ADAMTS2: variants seen among roughly 807,000 people sequenced by gnomAD.
The protein encoded by ADAMTS2 is ADAM metallopeptidase with thrombospondin type 1 motif 2, also known as A disintegrin and metalloproteinase with thrombospondin motifs 2.
A neutral mutation model predicts 123.0 loss-of-function variants in ADAMTS2; 50 were observed. That is an observed-to-expected ratio of 0.41 (90% CI 0.32 to 0.51). ADAMTS2 has a LOEUF of 0.51. Ranked by LOEUF, ADAMTS2 falls within the 20% of genes least tolerant of loss-of-function variation. The pLI is 0.35. For missense variants in ADAMTS2, 1,494 were observed against 1,705.2 expected (o/e 0.88, Z 2.18); for synonymous variants, 678 against 695.4 (o/e 0.98, Z 0.39).
intron 2 of ADAMTS2, among the ~76,000 whole-genome samples, chr5:179,296,198 C>T (rs1276058052): frequency 6.6e-6 from 1 of 152,136 alleles, no homozygotes; most frequent in Non-Finnish European, 1.5e-5. Flanking sequence ...TCAGCAGACG[C>T]TTTGGGTGAT....
intron 2 of ADAMTS2, among the ~76,000 whole-genome samples, chr5:179,299,302 G>A (rs1377396809): frequency 1.1e-4 from 14 of 126,280 alleles, no homozygotes; most frequent in Non-Finnish European, 2.2e-4. Context: ...GGCTGAGGCG[G>A]GCGGATCACG....
chr5:179,123,664 G>C (rs147775247), intron 19 of ADAMTS2, among the ~76,000 whole-genome samples: 5 of 152,180 alleles, frequency 3.3e-5, no homozygotes, highest in Non-Finnish European at 5.9e-5. Context: ...CCTGAGTTCA[G>C]GCGATCCACC....
intron 3 of ADAMTS2, among the ~76,000 whole-genome samples, chr5:179,210,507 T>C (rs1418169511): frequency 1.3e-5 from 2 of 152,222 alleles, no homozygotes. Context: ...GGGGTGAAAT[T>C]TGGAAATTAT....
intron 3 of ADAMTS2, among the ~76,000 whole-genome samples, chr5:179,255,787 G>A (rs944302362): frequency 6.6e-6 from 1 of 152,196 alleles, no homozygotes; most frequent in Admixed American, 6.5e-5. Context: ...TGATGGCACA[G>A]GGGCCACTTC....
At chr5:179,216,250 G>C (rs1764977018) in intron 3 of ADAMTS2, among the ~76,000 whole-genome samples, 1 of 152,186 alleles carries the variant, frequency 6.6e-6, no homozygotes, top group Admixed American at 6.5e-5. Context: ...CCCACGGGGT[G>C]AACTGTCTTC....
At chr5:179,343,727 G>GAGC in intron 2 of ADAMTS2, 40 bp downstream of exon 2, 1 of 1,597,794 alleles carries the variant, frequency 6.3e-7, no homozygotes, top group Non-Finnish European at 8.5e-7. Flanking sequence ...ACCCAGGCGA[G>GAGC]AGCAGCGGAG....
intron 2 of ADAMTS2, among the ~76,000 whole-genome samples, chr5:179,334,815 T>C (rs1296238625): frequency 6.6e-6 from 1 of 152,136 alleles, no homozygotes; most frequent in Non-Finnish European, 1.5e-5. Flanking sequence ...AAGTATTCAA[T>C]GAGCAATGGC....
At chr5:179,209,522 G>GCA (rs112513570) in intron 3 of ADAMTS2, among the ~76,000 whole-genome samples, 20,369 of 151,066 alleles carry the variant, frequency 0.13, 1,520 homozygotes, top group African/African-American at 0.2. Context: ...ACACACACAT[G>GCA]CACACACACA....
At chr5:179,160,466 A>G (rs1421505636) in intron 5 of ADAMTS2, among the ~76,000 whole-genome samples, 3 of 152,222 alleles carry the variant, frequency 2.0e-5, no homozygotes, top group African/African-American at 4.8e-5. Flanking sequence ...AAAACAAAAC[A>G]AACAACAAAG....
At chr5:179,131,033 C>T (rs1382722756) in intron 15 of ADAMTS2, among the ~76,000 whole-genome samples, 2 of 152,050 alleles carry the variant, frequency 1.3e-5, no homozygotes, top group African/African-American at 4.8e-5. Flanking sequence ...TCTTAAGAGG[C>T]GAGGTGCAGT....
rs544297368 is a variant in ADAMTS2 at position 179,129,179 on chromosome 5, G to A, written c.2457+753C>T. ...CACTGATGCAGGCAGGTCACCAAAG[G>A]CACGTCCAGGGGGCCAGAAGTCACT... On this transcript the variant is annotated intron_variant, in intron 16 of 21. Coordinates refer to ENST00000251582, the MANE Select transcript of ADAMTS2 (RefSeq NM_014244.5). This position sits in a 1 kb window ranked among gnomAD's most constrained non-coding sequence, Gnocchi z 4.1. Among the ~76,000 whole-genome samples the A allele has an allele frequency of 6.6e-6, 1 of 152,160 alleles. No individual in the cohort carries two copies. Among genetic ancestry groups the A allele is most frequent in the East Asian group, 1.9e-4 (1 of 5,176 alleles).
rs1561759313 is a variant in ADAMTS2 at position 179,332,197 on chromosome 5, C to A, written c.534+11570G>T. 6.6e-6 allele frequency among the ~76,000 whole-genome samples: 1 copy of A among 152,194 alleles called. No homozygotes were observed. The highest frequency in any genetic ancestry group is 1.5e-5 in the Non-Finnish European group (1 of 68,040). On this transcript the variant is annotated intron_variant, in intron 2 of 21. Transcript: ENST00000251582. The surrounding 1 kb of genome is among the most constrained non-coding windows in gnomAD (Gnocchi z 4.2). ...CCAGTTGATTATTAAAGACACAACC[C>A]AGGAACAGCTGCATGGGAGGGATGG...
In ADAMTS2 at chr5:179,185,968, G is replaced by A. The variant is rs1764162494; in HGVS notation, c.892-4813C>T. Among the ~76,000 whole-genome samples, 1 of 151,986 alleles carries A rather than the reference G, an allele frequency of 6.6e-6. No homozygotes were observed. Among genetic ancestry groups the A allele is most frequent in the Non-Finnish European group, 1.5e-5 (1 of 67,968 alleles). On this transcript the variant is annotated intron_variant, in intron 4 of 21. Transcript: ENST00000251582. This position sits in a 1 kb window ranked among gnomAD's most constrained non-coding sequence, Gnocchi z 5.9. Reference sequence around the variant, plus strand: ...AAGGCCCCCTCAGCCCTCCCTCCCTGGTAGCCTTCAACTGTGGTGCGCTCT... The same window carrying A: ...AAGGCCCCCTCAGCCCTCCCTCCCTAGTAGCCTTCAACTGTGGTGCGCTCT...
chr5:179,296,907 T>G (rs1031282327), intron 2 of ADAMTS2, among the ~76,000 whole-genome samples: 1 of 152,172 alleles, frequency 6.6e-6, no homozygotes, highest in African/African-American at 2.4e-5. Context: ...AAACAAGGCA[T>G]GCCGTCTGTA....
chr5:179,156,898 G>A lies in ADAMTS2; in HGVS notation c.1132+1825C>T, dbSNP rs550206179. Among the ~76,000 whole-genome samples, 11 of 151,714 alleles carry A rather than the reference G, an allele frequency of 7.3e-5. No individual in the cohort carries two copies. The South Asian group carries it at 2.1e-3, about 29-fold the overall frequency. On this transcript the variant is annotated intron_variant, in intron 6 of 21. Transcript: ENST00000251582. ...TTGGTCCATCTTTTTCATGCTGTAA[G>A]GATTTCTTGTGTTTTGGTTTTTTTA...
chr5:179,153,966 T>A (rs1329017203), intron 8 of ADAMTS2, 83 bp downstream of exon 8: 2 of 1,524,928 alleles, frequency 1.3e-6, no homozygotes, highest in East Asian at 4.8e-5. Flanking sequence ...GGGCTCTGGC[T>A]CTGGTGCATG....
At chr5:179,266,470 A>C (rs1219768161) in intron 3 of ADAMTS2, among the ~76,000 whole-genome samples, 1 of 152,214 alleles carries the variant, frequency 6.6e-6, no homozygotes. Context: ...GAACGCCAAC[A>C]GCCCCCAGGA....
intron 2 of ADAMTS2, among the ~76,000 whole-genome samples, chr5:179,340,917 G>A (rs1355708321): frequency 3.3e-5 from 5 of 152,180 alleles, no homozygotes; most frequent in African/African-American, 7.2e-5. Flanking sequence ...CCGCAGCAAC[G>A]TGAGGCACAA....
At chr5:179,278,666 T>C (rs955241933) in intron 2 of ADAMTS2, among the ~76,000 whole-genome samples, 2 of 151,958 alleles carry the variant, frequency 1.3e-5, no homozygotes, top group African/African-American at 4.8e-5. Flanking sequence ...TTGAAGTCTG[T>C]GGATGTCTGG....
Sources: gnomAD v4.1 joint callset for allele counts (sites outside exome capture counted in the v4.1 genomes callset) on GRCh38, gnomAD v4.1.1 for gene constraint, Gnocchi (gnomAD v3.1) non-coding constraint, MANE v1.5 for transcripts, NCBI Gene and HGNC (gene_info 2026-07-23, HGNC 2026-07-21) for gene names.